The following UNC5D variants were observed in gnomAD, a reference collection of about 807,000 sequenced individuals.
UNC5D encodes the protein netrin receptor UNC5D.
UNC5D carries 39 observed loss-of-function variants against 105.4 expected under a neutral mutation model. The ratio of observed to expected loss-of-function variants is 0.37; its 90% CI spans 0.29 to 0.48. The LOEUF (loss-of-function observed/expected upper bound fraction) is 0.48. Among genes scored for constraint, UNC5D ranks in the 20% least tolerant of loss-of-function variants. The pLI is 0.98. For synonymous variants in UNC5D, 452 were observed against 450.4 expected, an observed-to-expected ratio of 1.00 and a Z score of -0.04; for missense variants, 991 against 1,202.4, an observed-to-expected ratio of 0.82 and a Z score of 2.60.
chr8:35,411,971 C>T (rs972699615), intron 1 of UNC5D, among the ~76,000 whole-genome samples: 5 of 152,034 alleles, frequency 3.3e-5, no homozygotes, highest in African/African-American at 1.2e-4. Flanking sequence ...CCCCGTGATA[C>T]AGGGAAATCA....
intron 1 of UNC5D, among the ~76,000 whole-genome samples, chr8:35,534,304 A>T (rs1814670169): frequency 6.6e-6 from 1 of 152,100 alleles, no homozygotes; most frequent in African/African-American, 2.4e-5. Context: ...TCCTACTGTC[A>T]ACTTTAAACA....
chr8:35,450,429 G>A (rs1050546161), intron 1 of UNC5D, among the ~76,000 whole-genome samples: 7 of 152,098 alleles, frequency 4.6e-5, no homozygotes, highest in Non-Finnish European at 7.4e-5. Flanking sequence ...TCATAATATT[G>A]ATATCTATTT....
At chr8:35,709,343 C>G (rs921479746) in intron 8 of UNC5D, among the ~76,000 whole-genome samples, 24 of 152,226 alleles carry the variant, frequency 1.6e-4, no homozygotes, top group African/African-American at 5.5e-4. Context: ...GGGGCTCTGA[C>G]AGGGTTAGAG....
intron 2 of UNC5D, among the ~76,000 whole-genome samples, chr8:35,566,440 C>A (rs1817341770): frequency 6.6e-6 from 1 of 152,052 alleles, no homozygotes. Context: ...TTCTTTTGGA[C>A]TTAAAGGAAA....
intron 7 of UNC5D, among the ~76,000 whole-genome samples, chr8:35,699,688 A>C (rs997376055): frequency 2.0e-5 from 3 of 152,172 alleles, no homozygotes; most frequent in Admixed American, 2.0e-4. Flanking sequence ...TAAAAGGGGT[A>C]ATAGATCTTG....
At chr8:35,681,883 A>G (rs956137285) in intron 4 of UNC5D, among the ~76,000 whole-genome samples, 1 of 151,606 alleles carries the variant, frequency 6.6e-6, no homozygotes, top group African/African-American at 2.4e-5. Flanking sequence ...GGATCCTAAT[A>G]TGTTTTCCCC....
intron 1 of UNC5D, among the ~76,000 whole-genome samples, chr8:35,347,385 A>G (rs1376372918): frequency 6.6e-6 from 1 of 152,010 alleles, no homozygotes; most frequent in African/African-American, 2.4e-5. Context: ...TGATGAACAC[A>G]TGGCATTCAC....
At chr8:35,729,511 G>A (rs1339252374) in intron 10 of UNC5D, among the ~76,000 whole-genome samples, 1 of 152,124 alleles carries the variant, frequency 6.6e-6, no homozygotes, top group Non-Finnish European at 1.5e-5. Flanking sequence ...CTCTGTCATC[G>A]TAATGACCTA....
intron 1 of UNC5D, among the ~76,000 whole-genome samples, chr8:35,443,344 A>T (rs953395143): frequency 6.6e-6 from 1 of 151,754 alleles, no homozygotes; most frequent in African/African-American, 2.4e-5. Flanking sequence ...CATGGAGATC[A>T]TTCTGTGGGA....
At chr8:35,523,785 C>A (rs1472159924) in intron 1 of UNC5D, among the ~76,000 whole-genome samples, 1 of 80,548 alleles carries the variant, frequency 1.2e-5, no homozygotes, top group Non-Finnish European at 2.4e-5. Flanking sequence ...AAGCTCTAGC[C>A]AGTCATGTGA....
rs771466200 is a variant in UNC5D, at chr8:35,595,617, T to C, written c.530T>C (p.Val177Ala). Residue 177 changes from valine (V) to alanine (A), a missense_variant, in exon 4 of 17, where the codon GTA becomes GCA. This residue lies in a region of UNC5D where 944 missense variants were observed against 1,131.6 expected (regional missense o/e 0.83). Transcript: ENST00000404895. Reference protein sequence around the residue: ...GREVPIEGMIVLHCRPPEGVP... With the variant: ...GREVPIEGMIALHCRPPEGVP... ...GAAGTTCCCATTGAAGGCATGATTG[T>C]ACTGCACTGCCGCCCACCAGAGGGA... 6.2e-7 allele frequency: 1 copy of C among 1,614,122 alleles called. No homozygotes were observed. The highest frequency in any genetic ancestry group is 8.5e-7 in the Non-Finnish European group (1 of 1,179,994).
chr8:35,590,847 G>A (rs1034469075), intron 3 of UNC5D, among the ~76,000 whole-genome samples: 11 of 152,004 alleles, frequency 7.2e-5, no homozygotes, highest in Non-Finnish European at 1.3e-4. Flanking sequence ...CTTCCTCACC[G>A]GTGACCACTC....
intron 16 of UNC5D, among the ~76,000 whole-genome samples, chr8:35,776,152 T>G (rs1409599496): frequency 1.3e-5 from 2 of 152,182 alleles, no homozygotes; most frequent in African/African-American, 2.4e-5. Flanking sequence ...AAGATCTGCA[T>G]GAGAGCCTTG....
intron 4 of UNC5D, among the ~76,000 whole-genome samples, chr8:35,647,481 C>A (rs969268677): frequency 1.3e-5 from 2 of 151,674 alleles, no homozygotes; most frequent in Non-Finnish European, 2.9e-5. Flanking sequence ...ACAAGCATTA[C>A]ATTTATTTCT....
At chr8:35,488,381 A>C (rs915037751) in intron 1 of UNC5D, among the ~76,000 whole-genome samples, 17 of 152,222 alleles carry the variant, frequency 1.1e-4, no homozygotes, top group African/African-American at 4.1e-4. Flanking sequence ...CTTTCAAGAA[A>C]AGGACAGAAT....
At chr8:35,535,548 G>A (rs754476890) in intron 1 of UNC5D, among the ~76,000 whole-genome samples, 1 of 151,278 alleles carries the variant, frequency 6.6e-6, no homozygotes, top group Non-Finnish European at 1.5e-5. Context: ...AACACACTAC[G>A]GCAAAGGCAG....
At chr8:35,713,024 T>A (rs1828049581) in intron 8 of UNC5D, among the ~76,000 whole-genome samples, 1 of 152,150 alleles carries the variant, frequency 6.6e-6, no homozygotes, top group Non-Finnish European at 1.5e-5. Context: ...ATTCAATCCA[T>A]ATATATGTGC....
At chr8:35,706,921 C>T (rs768339678) in intron 8 of UNC5D, among the ~76,000 whole-genome samples, 10 of 152,078 alleles carry the variant, frequency 6.6e-5, no homozygotes, top group Admixed American at 1.3e-4. Context: ...ATGTAAAGGA[C>T]GCTAGGGAAA....
chr8:35,428,674 G>A (rs1806422353), intron 1 of UNC5D, among the ~76,000 whole-genome samples: 1 of 152,038 alleles, frequency 6.6e-6, no homozygotes. Flanking sequence ...ATGGGTACCT[G>A]AGATTGTGAA....
Sources: gnomAD v4.1 joint callset for allele counts (sites outside exome capture counted in the v4.1 genomes callset) on GRCh38, gnomAD v4.1.1 for gene constraint, gnomAD v4.1.1 regional missense constraint, MANE v1.5 for transcripts, NCBI Gene and HGNC (gene_info 2026-07-23, HGNC 2026-07-21) for gene names.